Variants in COL20A1 observed in about 807,000 individuals in gnomAD.
COL20A1 encodes the protein collagen type XX alpha 1 chain, also known as collagen alpha-1(XX) chain.
In COL20A1, 164 loss-of-function variants were observed where a neutral mutation model predicts 152.9. The observed-to-expected ratio is 1.07, with a 90% CI of 0.94 to 1.22. The LOEUF (loss-of-function observed/expected upper bound fraction) is 1.22. Ranked by LOEUF, COL20A1 falls within the 50% of genes most tolerant of loss-of-function variation. The probability of loss-of-function intolerance (pLI) is 0.00; values close to 1 mark genes in which losing one functional copy is unlikely to be tolerated. For missense variants in COL20A1, 1,873 were observed against 1,744.8 expected (o/e 1.07, Z -1.31); for synonymous variants, 864 against 756.0 (o/e 1.14, Z -2.34).
intron 2 of COL20A1, among the ~76,000 whole-genome samples, chr20:63,296,802 C>T (rs2067799646): frequency 6.6e-6 from 1 of 152,180 alleles, no homozygotes; most frequent in Non-Finnish European, 1.5e-5. Context: ...CAGCTGCTGC[C>T]TGCTCTGAAT....
chr20:63,329,307 C>T, intron 34 of COL20A1: 1 of 527,082 alleles, frequency 1.9e-6, no homozygotes, highest in South Asian at 2.4e-5. Context: ...CCTCTGCACC[C>T]ACCTGTCTAG....
rs1288307797 is a variant in COL20A1 at position 63,310,372 on chromosome 20, C to T, written c.1264-9C>T. The T allele has an allele frequency of 6.2e-7, 1 of 1,610,892 alleles. No homozygotes were observed. The highest frequency in any genetic ancestry group is 8.5e-7 in the Non-Finnish European group (1 of 1,179,204). ...CTTCCTGGCTCCGTCCTTGCCCACT[C>T]TGTTCCAGGTGGTGGTGGAGGGACC... On this transcript the variant is annotated splice_polypyrimidine_tract_variant and intron_variant, in intron 10 of 35. Coordinates refer to ENST00000358894, the MANE Select transcript of COL20A1 (RefSeq NM_020882.4).
In COL20A1 at chr20:63,321,118, C is replaced by G. The variant is rs1052228135; in HGVS notation, c.3240+19C>G. The G allele has an allele frequency of 5.2e-6, 8 of 1,550,154 alleles. No homozygotes were observed. The highest frequency in any genetic ancestry group is 7.0e-6 in the Non-Finnish European group (8 of 1,138,942). ...ACCCCCAGTGAGTCCAGTGGCGTCTCCTTGGGGTGACCAGGGAACACTGGC... is the reference window on the plus strand; with the variant it reads ...ACCCCCAGTGAGTCCAGTGGCGTCTGCTTGGGGTGACCAGGGAACACTGGC... On this transcript the variant is annotated intron_variant, in intron 26 of 35. Transcript: ENST00000358894.
Position 63,307,975 on chromosome 20 carries a change from G to C in COL20A1, c.660G>C (p.Leu220=), listed in dbSNP as rs752450884. The change falls in exon 7 of 36, where the codon CTG becomes CTC. Residue 220 remains leucine (L), a synonymous_variant. Coordinates refer to ENST00000358894, the MANE Select transcript of COL20A1 (RefSeq NM_020882.4). ...EIGPDKVQVG[L]TQYSGDAQTE... is the part of the protein sequence containing the mutation. ...GGCCATGCCCCTGCTCCCCAGGCCT[G>C]ACTCAGTACAGCGGGGATGCTCAGA... 6.2e-7 allele frequency: 1 copy of C among 1,612,402 alleles called. No individual in the cohort carries two copies. The highest frequency in any genetic ancestry group is 1.1e-5 in the South Asian group (1 of 91,078).
At chr20:63,308,447 A>C in intron 7 of COL20A1, 95 bp from the exon 8 acceptor site, 2 of 1,206,616 alleles carry the variant, frequency 1.7e-6, no homozygotes, top group Non-Finnish European at 2.3e-6. Context: ...CCACAAGGGA[A>C]GGAGAGGAGC....
intron 1 of COL20A1, among the ~76,000 whole-genome samples, chr20:63,294,700 G>A (rs973945195): frequency 6.6e-6 from 1 of 152,310 alleles, no homozygotes; most frequent in African/African-American, 2.4e-5. Flanking sequence ...ATTGCCTGGA[G>A]AGCTCGCCCC....
intron 26 of COL20A1, among the ~76,000 whole-genome samples, 170 bp from the exon 27 acceptor site, chr20:63,321,888 C>T (rs943581071): frequency 2.0e-5 from 3 of 151,980 alleles, no homozygotes; most frequent in Admixed American, 6.5e-5. Context: ...TGGGCTAGTG[C>T]GTCCTTGCCC....
rs747572010 is a variant in COL20A1, at chr20:63,310,378, C to T, written c.1264-3C>T. The T allele has an allele frequency of 1.2e-6, 2 of 1,610,882 alleles. No homozygotes were observed. The highest frequency in any genetic ancestry group is 1.7e-6 in the Non-Finnish European group (2 of 1,179,252). ...GGCTCCGTCCTTGCCCACTCTGTTC[C>T]AGGTGGTGGTGGAGGGACCCGCCGC... On this transcript the variant is annotated splice_polypyrimidine_tract_variant and splice_region_variant and intron_variant, in intron 10 of 35. Coordinates refer to ENST00000358894, the MANE Select transcript of COL20A1 (RefSeq NM_020882.4).
At chr20:63,296,363 T>C (rs1022733333) in intron 2 of COL20A1, among the ~76,000 whole-genome samples, 1 of 152,258 alleles carries the variant, frequency 6.6e-6, no homozygotes, top group African/African-American at 2.4e-5. Context: ...TTCTATCTAG[T>C]TCAGGATTCA....
chr20:63,319,190 TCTG>T lies in COL20A1; in HGVS notation c.2800_2802del (p.Leu934del). The T allele has an allele frequency of 6.2e-7, 1 of 1,612,562 alleles. No individual in the cohort carries two copies. Among genetic ancestry groups the T allele is most frequent in the South Asian group, 1.1e-5 (1 of 91,000 alleles). On this transcript the variant is annotated inframe_deletion, in exon 22 of 36. Transcript: ENST00000358894. This position sits in a 1 kb window ranked among gnomAD's most constrained non-coding sequence, Gnocchi z 4.4. The stretch of plus-strand genomic sequence containing the variant: ...AGGACTTCCAGCCCCTCCTTGGGGT[TCTG>T]CTGGATGGTGACGTGGGCCCCGCGT...
At chr20:63,299,723 A>G (rs931231744) in intron 3 of COL20A1, among the ~76,000 whole-genome samples, 9 of 151,840 alleles carry the variant, frequency 5.9e-5, no homozygotes, top group Admixed American at 6.6e-5. Flanking sequence ...ATTTTTTCCA[A>G]ACTTTTTCTT....
intron 19 of COL20A1, among the ~76,000 whole-genome samples, chr20:63,314,511 G>C (rs73155403): frequency 0.084 from 12,795 of 152,190 alleles, 1,041 homozygotes; most frequent in East Asian, 0.32. Context: ...CCAGGGCGAG[G>C]GCTCTGAGAG....
Position 63,316,606 on chromosome 20 carries a change from C to A in COL20A1, c.2578C>A (p.Arg860=). ...SLVEKAYASI[R]GVAMEPSAFG... Reference sequence around the variant, plus strand: ...GGTGGAAAAGGCTTATGCGTCCATCCGGGGCGTGGCCATGGAGCCCTCTGC... The same window carrying A: ...GGTGGAAAAGGCTTATGCGTCCATCAGGGGCGTGGCCATGGAGCCCTCTGC... The change falls in exon 21 of 36, where the codon CGG becomes AGG. Residue 860 remains arginine (R), a synonymous_variant. Coordinates refer to ENST00000358894, the MANE Select transcript of COL20A1 (RefSeq NM_020882.4). The A allele has an allele frequency of 3.8e-6, 6 of 1,584,310 alleles. No individual in the cohort carries two copies. Among genetic ancestry groups the A allele is most frequent in the Non-Finnish European group, 5.1e-6 (6 of 1,165,486 alleles).
At chr20:63,322,637 C>G (rs1465685060) in intron 27 of COL20A1, among the ~76,000 whole-genome samples, 2 of 152,242 alleles carry the variant, frequency 1.3e-5, no homozygotes, top group Non-Finnish European at 2.9e-5. Flanking sequence ...GCGCGCCCAG[C>G]GATGGCAGCA....
intron 27 of COL20A1, chr20:63,325,224 G>A (rs1568788063): frequency 1.5e-6 from 1 of 689,212 alleles, no homozygotes; most frequent in Non-Finnish European, 2.7e-6. Context: ...AGGAGGGGTG[G>A]CAAGCGTGAC....
chr20:63,321,144 C>T (rs1309223503), intron 26 of COL20A1, 45 bp downstream of exon 26: 1 of 1,288,678 alleles, frequency 7.8e-7, no homozygotes. Context: ...GAACACTGGC[C>T]AATGTATTGC....
At chr20:63,315,780 T>C (rs1167811521) in intron 20 of COL20A1, among the ~76,000 whole-genome samples, 1 of 152,056 alleles carries the variant, frequency 6.6e-6, no homozygotes, top group Non-Finnish European at 1.5e-5. Flanking sequence ...TCGAGTTGCC[T>C]GAGAGTGAGG....
At chr20:63,328,549 G>T in intron 34 of COL20A1, 51 bp downstream of exon 34, 1 of 1,532,738 alleles carries the variant, frequency 6.5e-7, no homozygotes, top group Non-Finnish European at 8.9e-7. Flanking sequence ...TGGGGGCGCC[G>T]GTTGTCCCCT....
Position 63,326,142 on chromosome 20 carries a change from G to A in COL20A1, c.3449G>A (p.Gly1150Asp), listed in dbSNP as rs1262823931. Residue 1150 changes from glycine (G) to aspartate (D), a missense_variant, in exon 30 of 36, where the codon GGC becomes GAC. Coordinates refer to ENST00000358894, the MANE Select transcript of COL20A1 (RefSeq NM_020882.4). ...EGTAGLPGPPGPRGFQGMAGA... is the reference protein window; with the variant it reads ...EGTAGLPGPPDPRGFQGMAGA... ...ACTGCTGGCCTGCCTGGACCCCCTG[G>A]CCCCAGGGTAGGCACCGACCTCCCA... The A allele has an allele frequency of 6.2e-7, 1 of 1,612,342 alleles. No individual in the cohort carries two copies. The highest frequency in any genetic ancestry group is 8.5e-7 in the Non-Finnish European group (1 of 1,179,442).
Sources: allele counts gnomAD v4.1 joint callset (sites outside exome capture counted in the v4.1 genomes callset), GRCh38; gene constraint gnomAD v4.1.1; non-coding constraint Gnocchi (gnomAD v3.1); transcripts MANE v1.5; gene names NCBI Gene and HGNC (gene_info 2026-07-23, HGNC 2026-07-21).